The following CACNA1B variants were observed in gnomAD, a reference collection of about 807,000 sequenced individuals.
The protein encoded by CACNA1B is voltage-dependent N-type calcium channel subunit alpha-1B.
A neutral mutation model predicts 247.2 loss-of-function variants in CACNA1B; 70 were observed. The observed-to-expected ratio is 0.28, with a 90% CI of 0.23 to 0.35. The LOEUF (loss-of-function observed/expected upper bound fraction) is 0.35, where lower values mean the gene tolerates loss of function less well. Ranked by LOEUF, CACNA1B falls within the 10% of genes least tolerant of loss-of-function variation. CACNA1B has a pLI of 1.00. For missense variants in CACNA1B, 2,367 were observed against 3,197.4 expected, an observed-to-expected ratio of 0.74 and a Z score of 6.26; for synonymous variants, 1,231 against 1,294.4, an observed-to-expected ratio of 0.95 and a Z score of 1.05.
At chr9:138,000,904 A>G (rs1026988225) in intron 15 of CACNA1B, among the ~76,000 whole-genome samples, 2 of 152,170 alleles carry the variant, frequency 1.3e-5, no homozygotes, top group African/African-American at 4.8e-5. Flanking sequence ...TCGTGTTACA[A>G]TTTTTATTTG....
intron 3 of CACNA1B, among the ~76,000 whole-genome samples, chr9:137,904,646 G>A (rs982386454): frequency 1.3e-5 from 2 of 151,922 alleles, no homozygotes; most frequent in African/African-American, 4.8e-5. Flanking sequence ...ACGATTACAG[G>A]TGTGAGCCAC....
At chr9:137,912,405 A>C (rs995267262) in intron 3 of CACNA1B, among the ~76,000 whole-genome samples, 11 of 152,206 alleles carry the variant, frequency 7.2e-5, no homozygotes, top group Admixed American at 2.0e-4. Context: ...TAGAATTGGC[A>C]AGAGGAAGGC....
chr9:138,058,011 TG>T lies in CACNA1B; in HGVS notation c.4107-33del. On this transcript the variant is annotated intron_variant, in intron 27 of 46. Transcript: ENST00000371372. The surrounding 1 kb of genome is among the most constrained non-coding windows in gnomAD (Gnocchi z 4.7). ...CTTGAGTTCTTAGGGCTGTCTCCTT[TG>T]GGGGTTCCCCTGACACTTGCTCTCC... The T allele has an allele frequency of 6.3e-7, 1 of 1,590,892 alleles. No homozygotes were observed. Among genetic ancestry groups the T allele is most frequent in the East Asian group, 2.2e-5 (1 of 44,760 alleles).
intron 6 of CACNA1B, among the ~76,000 whole-genome samples, chr9:137,944,384 C>T (rs1417464564): frequency 2.0e-5 from 3 of 152,146 alleles, no homozygotes; most frequent in East Asian, 1.9e-4. Context: ...CTGCCTTATT[C>T]TCTTTCTCTT....
At chr9:138,088,681 A>G (rs182278911) in intron 36 of CACNA1B, among the ~76,000 whole-genome samples, 2 of 152,068 alleles carry the variant, frequency 1.3e-5, no homozygotes, top group East Asian at 1.9e-4. Flanking sequence ...TCGGCCGGGC[A>G]TGGTGGCTTA....
In CACNA1B at chr9:137,886,205, C is replaced by T. The variant is rs540521863; in HGVS notation, c.530+3322C>T. On this transcript the variant is annotated intron_variant, in intron 3 of 46. Coordinates refer to ENST00000371372, the MANE Select transcript of CACNA1B (RefSeq NM_000718.4). ...TACCAGGGTGGGGTCGGGGCTGAGCCGGCTCCCCACACAGAGTGGGCCTGG... is the reference window on the plus strand; with the variant it reads ...TACCAGGGTGGGGTCGGGGCTGAGCTGGCTCCCCACACAGAGTGGGCCTGG... Among the ~76,000 whole-genome samples, 50 of 151,880 alleles carry T rather than the reference C, an allele frequency of 3.3e-4. No homozygotes were observed. In the East Asian group the frequency reaches 8.0e-3, roughly 24 times the overall value.
chr9:138,120,273 G>T lies in CACNA1B; in HGVS notation c.6139G>T (p.Ala2047Ser). ...CCCGGACCGCCCACCCCCTAGCCAGGCGTCGTCGCACCACCACCACCACCG... is the reference window on the plus strand; with the variant it reads ...CCCGGACCGCCCACCCCCTAGCCAGTCGTCGTCGCACCACCACCACCACCG... ...TTPDRPPPSQ[A>S]SSHHHHHRCH... Residue 2047 changes from alanine to serine, a missense_variant, in exon 45 of 47, where the codon GCG (alanine) becomes TCG (serine). Transcript: ENST00000371372. The T allele has an allele frequency of 6.3e-7, 1 of 1,588,812 alleles. No individual in the cohort carries two copies. The highest frequency in any genetic ancestry group is 8.6e-7 in the Non-Finnish European group (1 of 1,169,560).
intron 10 of CACNA1B, among the ~76,000 whole-genome samples, chr9:137,970,419 G>A (rs1293567025): frequency 1.3e-5 from 2 of 152,204 alleles, no homozygotes; most frequent in African/African-American, 4.8e-5. Context: ...CCTTCCCTCA[G>A]TTGTTAAGCA....
At chr9:138,055,404 A>T (rs1265842408) in intron 26 of CACNA1B, among the ~76,000 whole-genome samples, 1 of 152,102 alleles carries the variant, frequency 6.6e-6, no homozygotes, top group African/African-American at 2.4e-5. Context: ...TGCTGGGATT[A>T]CAGGTGTGAG....
intron 7 of CACNA1B, among the ~76,000 whole-genome samples, chr9:137,953,356 T>C (rs1449113402): frequency 6.6e-6 from 1 of 152,130 alleles, no homozygotes; most frequent in East Asian, 1.9e-4. Flanking sequence ...GGCCCACGGC[T>C]CCGAGCCAGG....
At chr9:138,064,143 C>T (rs1959831983) in intron 31 of CACNA1B, among the ~76,000 whole-genome samples, 1 of 152,180 alleles carries the variant, frequency 6.6e-6, no homozygotes, top group Non-Finnish European at 1.5e-5. Flanking sequence ...TCAATGTTAT[C>T]TTGGACCTTG....
chr9:138,031,447 T>A (rs1958987129), intron 20 of CACNA1B, among the ~76,000 whole-genome samples: 1 of 152,220 alleles, frequency 6.6e-6, no homozygotes, highest in Admixed American at 6.5e-5. Context: ...TCTTGATGTA[T>A]GTTCTGTGAG....
chr9:138,042,853 G>A (rs138659978), intron 20 of CACNA1B, among the ~76,000 whole-genome samples: 8 of 152,096 alleles, frequency 5.3e-5, no homozygotes, highest in African/African-American at 1.4e-4. Flanking sequence ...CGGGCTCTGG[G>A]GATTAGCACC....
chr9:137,910,813 C>A lies in CACNA1B; in HGVS notation c.531-2367C>A, dbSNP rs1484800777. On this transcript the variant is annotated intron_variant, in intron 3 of 46. Coordinates refer to ENST00000371372, the MANE Select transcript of CACNA1B (RefSeq NM_000718.4). The stretch of plus-strand genomic sequence containing the variant: ...GCAGAGTGGCCTGATTCCTAACAGG[C>A]CACAGAACAGTACTGGTCTGTGGCC... Among the ~76,000 whole-genome samples the A allele has an allele frequency of 3.3e-5, 5 of 152,298 alleles. No homozygotes were observed. In the East Asian group the frequency reaches 9.7e-4, roughly 29 times the overall value.
chr9:138,028,907 C>T (rs1464752475), intron 20 of CACNA1B, among the ~76,000 whole-genome samples: 1 of 152,166 alleles, frequency 6.6e-6, no homozygotes, highest in African/African-American at 2.4e-5. Flanking sequence ...TCTGGGACCT[C>T]TATTCAGCAT....
chr9:137,955,287 G>T lies in CACNA1B; in HGVS notation c.1071-411G>T, dbSNP rs1006794684. On this transcript the variant is annotated intron_variant, in intron 7 of 46. Transcript: ENST00000371372. The surrounding 1 kb of genome is among the most constrained non-coding windows in gnomAD (Gnocchi z 6.9). ...GAACGTTCTCCTCTGGAGAATTCTC[G>T]CCAGGAGCTCTCTGGAGGACAGCAG... Among the ~76,000 whole-genome samples the T allele has an allele frequency of 6.6e-6, 1 of 152,180 alleles. No homozygotes were observed. Among genetic ancestry groups the T allele is most frequent in the Non-Finnish European group, 1.5e-5 (1 of 68,026 alleles).
intron 6 of CACNA1B, among the ~76,000 whole-genome samples, chr9:137,927,242 CTTCT>C (rs1199026871): frequency 3.0e-5 from 2 of 67,578 alleles, no homozygotes; most frequent in African/African-American, 6.0e-5. Flanking sequence ...CAGCTTTCTT[CTTCT>C]TTTTTTTTTT....
intron 15 of CACNA1B, among the ~76,000 whole-genome samples, chr9:137,999,812 C>T (rs1442593356): frequency 6.6e-6 from 1 of 151,974 alleles, no homozygotes; most frequent in Non-Finnish European, 1.5e-5. Context: ...CCTGGCTTAA[C>T]AAGTACTTAT....
chr9:137,915,730 T>G (rs186025574), intron 5 of CACNA1B, among the ~76,000 whole-genome samples: 109 of 152,120 alleles, frequency 7.2e-4, no homozygotes, highest in African/African-American at 2.5e-3. Context: ...TTGAGAGCTT[T>G]CCCTTTACAG....
Sources: gnomAD v4.1 joint callset for allele counts (sites outside exome capture counted in the v4.1 genomes callset) on GRCh38, gnomAD v4.1.1 for gene constraint, Gnocchi (gnomAD v3.1) non-coding constraint, MANE v1.5 for transcripts, NCBI Gene and HGNC (gene_info 2026-07-23, HGNC 2026-07-21) for gene names.